The following SLC71A2 variants were observed in gnomAD, a reference collection of about 807,000 sequenced individuals.
The protein encoded by SLC71A2 is solute carrier family 71 member 2.
chr9:94,425,964 G>A, the SLC71A2 span, among the ~76,000 whole-genome samples: 4 of 152,010 alleles, frequency 2.6e-5, no homozygotes, highest in Admixed American at 1.3e-4. Flanking sequence ...CAGTCAGGCT[G>A]TAGCCAGTTT....
At chr9:94,438,901 A>G in the SLC71A2 span, among the ~76,000 whole-genome samples, 1 of 152,178 alleles carries the variant, frequency 6.6e-6, no homozygotes, top group Non-Finnish European at 1.5e-5. Flanking sequence ...TATTTTTGTC[A>G]GCTCATCGCT....
the SLC71A2 span, chr9:94,445,148 C>T: frequency 6.2e-7 from 1 of 1,613,798 alleles, no homozygotes; most frequent in Non-Finnish European, 8.5e-7. Flanking sequence ...TCCTGGGGAG[C>T]TCAGATTTCT....
the SLC71A2 span, among the ~76,000 whole-genome samples, chr9:94,456,576 AC>A: frequency 6.6e-6 from 1 of 151,968 alleles, no homozygotes; most frequent in Admixed American, 6.6e-5. Context: ...TAGAAATAGA[AC>A]TATTCATTTT....
chr9:94,459,199 A>T, the SLC71A2 span: 3 of 1,613,966 alleles, frequency 1.9e-6, no homozygotes, highest in Non-Finnish European at 2.5e-6. Flanking sequence ...TATTTGGGGC[A>T]TGTATAGTCC....
chr9:94,443,464 T>A, the SLC71A2 span, among the ~76,000 whole-genome samples: 1 of 152,228 alleles, frequency 6.6e-6, no homozygotes, highest in Admixed American at 6.5e-5. Flanking sequence ...TACTCAGACT[T>A]CTTCAGTAAA....
the SLC71A2 span, among the ~76,000 whole-genome samples, chr9:94,435,797 G>A: frequency 1.3e-5 from 2 of 151,796 alleles, no homozygotes; most frequent in African/African-American, 2.4e-5. Flanking sequence ...TGGGATTAGA[G>A]GTGCGCACCA....
chr9:94,386,891 CTCTT>C, the SLC71A2 span, among the ~76,000 whole-genome samples: 1 of 152,164 alleles, frequency 6.6e-6, no homozygotes, highest in East Asian at 1.9e-4. Flanking sequence ...GATTTTGTGG[CTCTT>C]TCTTGAGATG....
At chr9:94,458,706 C>G in the SLC71A2 span, among the ~76,000 whole-genome samples, 4 of 152,298 alleles carry the variant, frequency 2.6e-5, no homozygotes, top group African/African-American at 9.6e-5. Context: ...AATCACTACA[C>G]TATTCTCTGG....
At chr9:94,417,849 T>TCCCC in the SLC71A2 span, among the ~76,000 whole-genome samples, 1 of 51,630 alleles carries the variant, frequency 1.9e-5, no homozygotes, top group East Asian at 6.2e-4. Flanking sequence ...ATAGGCAAGT[T>TCCCC]CCCACCCCAC....
At chr9:94,396,389 C>T in the SLC71A2 span, among the ~76,000 whole-genome samples, 2 of 152,132 alleles carry the variant, frequency 1.3e-5, no homozygotes, top group African/African-American at 2.4e-5. Flanking sequence ...GTGGCACGCA[C>T]CTGTAGTTTC....
chr9:94,385,206 C>T, the SLC71A2 span, among the ~76,000 whole-genome samples: 2 of 152,198 alleles, frequency 1.3e-5, no homozygotes, highest in Non-Finnish European at 2.9e-5. Context: ...CTGCTGATTG[C>T]GTCCTTTGAT....
chr9:94,442,006 T>C, the SLC71A2 span, among the ~76,000 whole-genome samples: 35 of 152,198 alleles, frequency 2.3e-4, no homozygotes, highest in African/African-American at 8.2e-4. Context: ...TGTGTGGGCA[T>C]GTGTGTTCCA....
the SLC71A2 span, among the ~76,000 whole-genome samples, chr9:94,414,553 C>T: frequency 1.3e-5 from 2 of 152,156 alleles, no homozygotes; most frequent in African/African-American, 4.8e-5. Context: ...ACACGTAATT[C>T]GTAAGGGACA....
chr9:94,409,785 T>C, the SLC71A2 span, among the ~76,000 whole-genome samples: 1 of 151,872 alleles, frequency 6.6e-6, no homozygotes, highest in Non-Finnish European at 1.5e-5. Flanking sequence ...AAGTTAATGA[T>C]GTCTAATTTC....
chr9:94,445,559 ATTTT>A, the SLC71A2 span, among the ~76,000 whole-genome samples: 4 of 152,130 alleles, frequency 2.6e-5, no homozygotes, highest in South Asian at 6.2e-4. Context: ...TGAATGAGTT[ATTTT>A]AATTTTGACC....
the SLC71A2 span, among the ~76,000 whole-genome samples, chr9:94,400,839 C>T: frequency 1.3e-5 from 2 of 152,314 alleles, no homozygotes; most frequent in East Asian, 1.9e-4. Flanking sequence ...AACAATTTTA[C>T]TACCTGAAAG....
At chr9:94,418,050 GGA>G in the SLC71A2 span, among the ~76,000 whole-genome samples, 1 of 151,798 alleles carries the variant, frequency 6.6e-6, no homozygotes, top group African/African-American at 2.4e-5. Flanking sequence ...AGAGACGACG[GGA>G]GGGTTTCACC....
At chr9:94,417,849 TCCCAC>T in the SLC71A2 span, among the ~76,000 whole-genome samples, 169 of 51,620 alleles carry the variant, frequency 3.3e-3, no homozygotes, top group Middle Eastern at 0.01. Context: ...ATAGGCAAGT[TCCCAC>T]CCCACCCCCC....
At chr9:94,391,219 A>T in the SLC71A2 span, among the ~76,000 whole-genome samples, 1 of 150,310 alleles carries the variant, frequency 6.7e-6, no homozygotes, top group South Asian at 2.1e-4. Flanking sequence ...AAAAAAAAAA[A>T]GAGGCTGAGC....
Sources: gnomAD v4.1 joint callset for allele counts (sites outside exome capture counted in the v4.1 genomes callset) on GRCh38, gnomAD v4.1.1 for gene constraint, MANE v1.5 for transcripts, NCBI Gene and HGNC (gene_info 2026-07-23, HGNC 2026-07-21) for gene names.